CDH4: variants seen among roughly 807,000 people sequenced by gnomAD.
The protein encoded by CDH4 is cadherin 4.
Under a neutral mutation model 86.0 loss-of-function variants are expected in CDH4, and 33 were observed. That is an observed-to-expected ratio of 0.38 (90% CI 0.29 to 0.51). CDH4 has a LOEUF of 0.51. Ranked by LOEUF, CDH4 falls within the 20% of genes least tolerant of loss-of-function variation. The probability of loss-of-function intolerance (pLI) is 0.86; values close to 1 mark genes in which losing one functional copy is unlikely to be tolerated. For synonymous variants in CDH4, 555 were observed against 549.4 expected, an observed-to-expected ratio of 1.01 and a Z score of -0.14; for missense variants, 1,114 against 1,307.4, an observed-to-expected ratio of 0.85 and a Z score of 2.28.
At chr20:61,385,461 C>T (rs1184272300) in intron 2 of CDH4, among the ~76,000 whole-genome samples, 1 of 140,448 alleles carries the variant, frequency 7.1e-6, no homozygotes, top group South Asian at 2.2e-4. Context: ...CGCCGCCCCC[C>T]GCCCCCTTGG....
chr20:61,708,930 A>T lies in CDH4; in HGVS notation c.170-34633A>T, dbSNP rs1011305949. Among the ~76,000 whole-genome samples, 2 of 152,252 alleles carry T rather than the reference A, an allele frequency of 1.3e-5. No homozygotes were observed. Among genetic ancestry groups the T allele is most frequent in the African/African-American group, 4.8e-5 (2 of 41,472 alleles). On this transcript the variant is annotated intron_variant, in intron 2 of 15. Coordinates refer to ENST00000614565, the MANE Select transcript of CDH4 (RefSeq NM_001794.5). This position sits in a 1 kb window ranked among gnomAD's most constrained non-coding sequence, Gnocchi z 4.5. ...AGTATCAGCTTGTGACAGAGATTGG[A>T]CATTAGAAAACAAAAGGCTGTTCCT...
intron 3 of CDH4, among the ~76,000 whole-genome samples, chr20:61,753,838 C>T (rs2088527233): frequency 6.6e-6 from 1 of 152,238 alleles, no homozygotes; most frequent in Non-Finnish European, 1.5e-5. Flanking sequence ...TTCTGTCCCC[C>T]CAGGTCCTTT....
At chr20:61,349,051 G>C (rs769457000) in intron 2 of CDH4, among the ~76,000 whole-genome samples, 11 of 152,230 alleles carry the variant, frequency 7.2e-5, no homozygotes, top group Non-Finnish European at 1.3e-4. Flanking sequence ...TTAGCTTCCT[G>C]TTTTATTTTA....
chr20:61,869,234 G>C lies in CDH4; in HGVS notation c.878-4494G>C, dbSNP rs556702497. ...ATTTTTAAAAACCAATGTTGTCCCT[G>C]AAATCCAAAAAAAGAGCATACAGCA... On this transcript the variant is annotated intron_variant, in intron 6 of 15. Transcript: ENST00000614565. 1.7e-3 allele frequency among the ~76,000 whole-genome samples: 252 copies of C among 152,260 alleles called. 1 individual carries two copies. Among genetic ancestry groups the C allele is most frequent in the Non-Finnish European group, 2.1e-3 (142 of 68,002 alleles).
At chr20:61,447,662 T>C (rs2085359937) in intron 2 of CDH4, among the ~76,000 whole-genome samples, 1 of 141,224 alleles carries the variant, frequency 7.1e-6, no homozygotes, top group Non-Finnish European at 1.5e-5. Context: ...AGATGGTGCA[T>C]GGAAAATTTT....
At chr20:61,868,018 A>G (rs1983625215) in intron 6 of CDH4, among the ~76,000 whole-genome samples, 1 of 152,354 alleles carries the variant, frequency 6.6e-6, no homozygotes, top group South Asian at 2.1e-4. Flanking sequence ...TAAGGGGTGC[A>G]ATTATTCGTA....
chr20:61,558,705 C>T (rs920977594), intron 2 of CDH4, among the ~76,000 whole-genome samples: 1 of 152,236 alleles, frequency 6.6e-6, no homozygotes, highest in Non-Finnish European at 1.5e-5. Context: ...CGAATAGCAT[C>T]CCGTGCGTCC....
At chr20:61,776,681 C>T (rs1240445682) in intron 4 of CDH4, among the ~76,000 whole-genome samples, 3 of 152,218 alleles carry the variant, frequency 2.0e-5, no homozygotes, top group African/African-American at 7.2e-5. Flanking sequence ...AAACTGAACC[C>T]AACCTAAGTC....
Position 61,756,606 on chromosome 20 carries a change from G to T in CDH4, c.396+12817G>T, listed in dbSNP as rs928742356. Among the ~76,000 whole-genome samples the T allele has an allele frequency of 2.0e-5, 3 of 149,450 alleles. No individual in the cohort carries two copies. In the Admixed American group the frequency reaches 2.0e-4, roughly 10 times the overall value. On this transcript the variant is annotated intron_variant, in intron 3 of 15. Transcript: ENST00000614565. ...CCCTGGTCCCTCCCCCCATCTCCTGGAGAAGCCTGGATATGAATCACTTCT... is the reference window on the plus strand; with the variant it reads ...CCCTGGTCCCTCCCCCCATCTCCTGTAGAAGCCTGGATATGAATCACTTCT...
intron 2 of CDH4, among the ~76,000 whole-genome samples, chr20:61,713,011 A>T (rs2087909881): frequency 2.6e-5 from 4 of 152,222 alleles, no homozygotes; most frequent in Admixed American, 1.3e-4. Context: ...AGTTCAGAGC[A>T]GAAGAGCCAC....
At chr20:61,627,912 C>T (rs1211045513) in intron 2 of CDH4, among the ~76,000 whole-genome samples, 1 of 152,076 alleles carries the variant, frequency 6.6e-6, no homozygotes, top group East Asian at 1.9e-4. Context: ...TCTCACCCCT[C>T]CCTTCCCTGC....
At chr20:61,620,210 ACAGG>A (rs1484904606) in intron 2 of CDH4, among the ~76,000 whole-genome samples, 1 of 123,080 alleles carries the variant, frequency 8.1e-6, no homozygotes, top group Non-Finnish European at 1.6e-5. Flanking sequence ...GGATGGACAG[ACAGG>A]CAGGCTGGTA....
chr20:61,881,928 A>G (rs1297351393), intron 7 of CDH4, among the ~76,000 whole-genome samples: 17 of 152,206 alleles, frequency 1.1e-4, no homozygotes, highest in Admixed American at 1.1e-3. Context: ...ATCCTTACAG[A>G]GGCAGAGGGA....
rs114605060 is a variant in CDH4, at chr20:61,295,485, G to A, written c.169+40548G>A. ...GCAGTTGTGGATGTACACACACTGCGACTGTTGCGGAGTGGAAGTAATCAG... is the reference window on the plus strand; with the variant it reads ...GCAGTTGTGGATGTACACACACTGCAACTGTTGCGGAGTGGAAGTAATCAG... On this transcript the variant is annotated intron_variant, in intron 2 of 15. Transcript: ENST00000614565. Among the ~76,000 whole-genome samples, 223 of 152,342 alleles carry A rather than the reference G, an allele frequency of 1.5e-3. 1 individual carries two copies. Among genetic ancestry groups the A allele is most frequent in the African/African-American group, 5.1e-3 (214 of 41,578 alleles).
intron 4 of CDH4, among the ~76,000 whole-genome samples, chr20:61,814,922 G>T (rs530364013): frequency 3.9e-5 from 6 of 152,112 alleles, no homozygotes; most frequent in African/African-American, 1.4e-4. Flanking sequence ...CTCCTCCCAC[G>T]CTCCGCTCCC....
intron 2 of CDH4, among the ~76,000 whole-genome samples, chr20:61,604,991 A>T (rs967613389): frequency 6.6e-6 from 1 of 152,100 alleles, no homozygotes; most frequent in African/African-American, 2.4e-5. Context: ...GTCTGGGTGA[A>T]ATGGTTCCAT....
At chr20:61,440,964 A>G (rs2085312406) in intron 2 of CDH4, among the ~76,000 whole-genome samples, 2 of 152,246 alleles carry the variant, frequency 1.3e-5, no homozygotes, top group African/African-American at 4.8e-5. Context: ...GTGTCAAAAC[A>G]GTCAGACTTT....
chr20:61,633,159 C>G (rs1336055395), intron 2 of CDH4, among the ~76,000 whole-genome samples: 1 of 150,336 alleles, frequency 6.7e-6, no homozygotes, highest in Admixed American at 6.6e-5. Context: ...TCCACCCATT[C>G]ATCCACCCAT....
In CDH4 at chr20:61,748,910, G is replaced by A. The variant is rs934283295; in HGVS notation, c.396+5121G>A. On this transcript the variant is annotated intron_variant, in intron 3 of 15. Transcript: ENST00000614565. ...AAAAAAGAGAAATGAAAACAGAATA[G>A]ATGGGCTACACATTTCTCTTTGTTG... Among the ~76,000 whole-genome samples, 153 of 71,840 alleles carry A rather than the reference G, an allele frequency of 2.1e-3. 1 individual carries two copies. The highest frequency in any genetic ancestry group is 0.011 in the African/African-American group (148 of 13,258). The allele number at this position is 71,840 out of a possible 152,430, so 47.1% of individuals were successfully genotyped here.
Sources: gnomAD v4.1 joint callset for allele counts (sites outside exome capture counted in the v4.1 genomes callset) on GRCh38, gnomAD v4.1.1 for gene constraint, Gnocchi (gnomAD v3.1) non-coding constraint, MANE v1.5 for transcripts, NCBI Gene and HGNC (gene_info 2026-07-23, HGNC 2026-07-21) for gene names.